Variants in CA2 observed in about 807,000 individuals in gnomAD.
The protein encoded by CA2 is carbonate dehydratase II.
In CA2, 23 loss-of-function variants were observed where a neutral mutation model predicts 27.8. The observed-to-expected ratio is 0.83, with a 90% CI of 0.59 to 1.17. CA2 has a LOEUF of 1.17. Ranked by LOEUF, CA2 falls within the 50% of genes most tolerant of loss-of-function variation. The pLI, the probability that CA2 is intolerant of heterozygous loss-of-function variation, is 0.00. For missense variants in CA2, 300 were observed against 314.7 expected (o/e 0.95, Z 0.35); for synonymous variants, 99 against 114.9 (o/e 0.86, Z 0.88).
chr8:85,480,758 A>G lies in CA2; in HGVS notation c.752A>G (p.Lys251Arg). ...VDNWRPAQPLKNRQIKASFK is the reference protein window; with the variant it reads ...VDNWRPAQPLRNRQIKASFK ...AACTGGCGCCCAGCTCAGCCACTGA[A>G]GAACAGGCAAATCAAAGCTTCCTTC... is the stretch of plus-strand genomic sequence containing the variant. Residue 251 changes from lysine to arginine, a missense_variant, in exon 7 of 7, where the codon AAG (lysine) becomes AGG (arginine). Physicochemically the swap from Lys to Arg is conservative, Grantham distance 26 (BLOSUM62 2). Transcript: ENST00000285379. The G allele has an allele frequency of 1.2e-6, 2 of 1,613,976 alleles. No homozygotes were observed. Among genetic ancestry groups the G allele is most frequent in the Non-Finnish European group, 1.7e-6 (2 of 1,179,892 alleles).
chr8:85,464,033 C>T lies in CA2; in HGVS notation c.-49C>T. ...CACAGTGCAGGCGCCCAAGCCGCCG[C>T]CGCCAGATCGGTGCCGATTCCTGCC... On this transcript the variant is annotated 5_prime_UTR_variant, in exon 1 of 7. Coordinates refer to ENST00000285379, the MANE Select transcript of CA2 (RefSeq NM_000067.3). 6.5e-7 allele frequency: 1 copy of T among 1,535,878 alleles called. No homozygotes were observed. The highest frequency in any genetic ancestry group is 8.8e-7 in the Non-Finnish European group (1 of 1,142,490).
chr8:85,480,548 G>A (rs1586018620), intron 6 of CA2, 122 bp from the exon 7 acceptor site: 1 of 927,888 alleles, frequency 1.1e-6, no homozygotes, highest in Non-Finnish European at 1.7e-6. Context: ...CTTACAAAGT[G>A]CTGGGATTAC....
rs1811586725 is a variant in CA2 at position 85,464,354 on chromosome 8, G to A, written c.34+239G>A. On this transcript the variant is annotated intron_variant, in intron 1 of 6. Transcript: ENST00000285379. ...CCACTGTGGAGGAATCCCCGCGTCC[G>A]CCGGAGGCGCGTAGGGCCCGAGGGA... 9.0e-6 allele frequency: 4 copies of A among 444,746 alleles called. No individual in the cohort carries two copies. The South Asian group carries it at 1.8e-4, about 20-fold the overall frequency. 27.5% of individuals were successfully genotyped at this position (444,746 alleles called of 1,614,324 possible). A position where few individuals can be genotyped will look rare whatever the true frequency, so the allele number is the denominator to read the frequency against.
chr8:85,472,195 C>A (rs547612236), intron 2 of CA2, among the ~76,000 whole-genome samples: 127 of 152,268 alleles, frequency 8.3e-4, no homozygotes, highest in Non-Finnish European at 1.6e-3. Context: ...TCCCTTTGTT[C>A]TGCAATGCCA....
intron 2 of CA2, among the ~76,000 whole-genome samples, chr8:85,467,895 A>T (rs1313864179): frequency 6.6e-6 from 1 of 152,210 alleles, no homozygotes; most frequent in Non-Finnish European, 1.5e-5. Flanking sequence ...GCCTTTAGAG[A>T]CACATGTATT....
intron 2 of CA2, among the ~76,000 whole-genome samples, chr8:85,468,116 G>C (rs1454223028): frequency 6.6e-6 from 1 of 152,236 alleles, no homozygotes; most frequent in African/African-American, 2.4e-5. Context: ...CTATGGAAAC[G>C]TGAAGGAGGC....
At chr8:85,466,715 TACTC>T (rs1253903184) in intron 2 of CA2, among the ~76,000 whole-genome samples, 1 of 151,570 alleles carries the variant, frequency 6.6e-6, no homozygotes, top group African/African-American at 2.4e-5. Flanking sequence ...CTTACAATCA[TACTC>T]ACACTTTCTG....
chr8:85,464,395 T>C (rs1811587449), intron 1 of CA2: 1 of 416,390 alleles, frequency 2.4e-6, no homozygotes, highest in East Asian at 4.2e-5. Context: ...GGCGCAGCCC[T>C]GGCCGCGGGA....
intron 2 of CA2, among the ~76,000 whole-genome samples, chr8:85,467,527 T>C (rs1811647863): frequency 6.6e-6 from 1 of 152,278 alleles, no homozygotes; most frequent in African/African-American, 2.4e-5. Flanking sequence ...AGACCATTGC[T>C]GTAGATGTTG....
chr8:85,470,029 A>G (rs1187417682), intron 2 of CA2, among the ~76,000 whole-genome samples: 3 of 152,216 alleles, frequency 2.0e-5, no homozygotes, highest in Non-Finnish European at 2.9e-5. Context: ...TAATGGTGTC[A>G]GCCGAACCTT....
In CA2 at chr8:85,477,137, C is replaced by G. The variant is rs1241584071; in HGVS notation, c.525C>G (p.Phe175Leu). Residue 175 changes from phenylalanine (F) to leucine (L), a missense_variant, in exon 6 of 7, where the codon TTC becomes TTG. This residue lies in a region of CA2 where 173 missense variants were observed against 161.0 expected (regional missense o/e 1.07). Coordinates refer to ENST00000285379, the MANE Select transcript of CA2 (RefSeq NM_000067.3). Reference sequence around the variant, plus strand: ...TGTTCTAGGGCAAGAGTGCTGACTTCACTAACTTCGATCCTCGTGGCCTCC... The same window carrying G: ...TGTTCTAGGGCAAGAGTGCTGACTTGACTAACTTCGATCCTCGTGGCCTCC... ...SIKTKGKSAD[F>L]TNFDPRGLLP... is the part of the protein sequence containing the mutation. The G allele has an allele frequency of 6.2e-7, 1 of 1,614,114 alleles. No homozygotes were observed.
intron 4 of CA2, 168 bp downstream of exon 4, chr8:85,474,584 A>T (rs1250109038): frequency 4.5e-6 from 3 of 668,580 alleles, no homozygotes; most frequent in South Asian, 1.7e-5. Context: ...TGCAGTGGAG[A>T]TGGAGGGCAG....
chr8:85,465,663 C>G (rs530549981), intron 2 of CA2, among the ~76,000 whole-genome samples, 194 bp downstream of exon 2: 1 of 152,256 alleles, frequency 6.6e-6, no homozygotes, highest in East Asian at 1.9e-4. Flanking sequence ...TGTCCCGGGG[C>G]CGTTTCTTCC....
At chr8:85,478,855 A>G (rs1041050975) in intron 6 of CA2, among the ~76,000 whole-genome samples, 9 of 152,196 alleles carry the variant, frequency 5.9e-5, no homozygotes, top group African/African-American at 2.2e-4. Context: ...GGTGGTTGTA[A>G]TAGCATTTTG....
chr8:85,475,505 C>A (rs530936567), intron 4 of CA2, among the ~76,000 whole-genome samples: 2 of 150,280 alleles, frequency 1.3e-5, no homozygotes, highest in East Asian at 4.0e-4. Context: ...ACAAGGAAAT[C>A]AAGGCAAGCC....
At chr8:85,470,810 TG>T (rs138218192) in intron 2 of CA2, among the ~76,000 whole-genome samples, 12 of 151,318 alleles carry the variant, frequency 7.9e-5, no homozygotes, top group East Asian at 1.9e-4. Flanking sequence ...TAAATTAAAT[TG>T]GGGGGGGTCT....
intron 5 of CA2, among the ~76,000 whole-genome samples, 198 bp from the exon 6 acceptor site, chr8:85,476,922 G>A (rs1480796362): frequency 6.7e-6 from 1 of 150,072 alleles, no homozygotes; most frequent in African/African-American, 2.5e-5. Context: ...TTTTTACTAC[G>A]ACTTGCCACA....
chr8:85,465,674 C>T (rs978595442), intron 2 of CA2, among the ~76,000 whole-genome samples: 2 of 152,188 alleles, frequency 1.3e-5, no homozygotes, highest in African/African-American at 2.4e-5. Flanking sequence ...CGTTTCTTCC[C>T]TGTAAAACCC....
chr8:85,475,332 C>T (rs543818310), intron 4 of CA2, among the ~76,000 whole-genome samples: 1 of 118,524 alleles, frequency 8.4e-6, no homozygotes, highest in East Asian at 2.8e-4. Context: ...GATCATGCCA[C>T]TGCACTACAA....
Sources: allele counts gnomAD v4.1 joint callset (sites outside exome capture counted in the v4.1 genomes callset), GRCh38; gene constraint gnomAD v4.1.1; regional missense constraint gnomAD v4.1.1; transcripts MANE v1.5; gene names NCBI Gene and HGNC (gene_info 2026-07-23, HGNC 2026-07-21).